RARB: variants seen among roughly 807,000 people sequenced by gnomAD.
The protein encoded by RARB is retinoic acid receptor beta.
In RARB, 17 loss-of-function variants were observed where a neutral mutation model predicts 51.9. The ratio of observed to expected loss-of-function variants is 0.33; its 90% confidence interval spans 0.22 to 0.49. RARB has a LOEUF of 0.49. RARB is among the 20% of genes least tolerant of loss of function. The pLI is 0.99. For synonymous variants in RARB, 215 were observed against 195.4 expected (o/e 1.10, Z -0.84); for missense variants, 369 against 550.8 (o/e 0.67, Z 3.30).
intron 3 of RARB, among the ~76,000 whole-genome samples, chr3:25,530,156 C>T (rs1698838607): frequency 6.6e-6 from 1 of 152,142 alleles, no homozygotes; most frequent in African/African-American, 2.4e-5. Context: ...CCCTTATATC[C>T]CCTGGGTCTG....
At chr3:25,558,810 C>T (rs1027636775) in intron 3 of RARB, among the ~76,000 whole-genome samples, 20 of 152,160 alleles carry the variant, frequency 1.3e-4, no homozygotes, top group African/African-American at 2.9e-4. Flanking sequence ...TAGCCCAATA[C>T]GGGGTTAAAA....
chr3:25,111,387 C>T (rs966686351), intron 3 of RARB, among the ~76,000 whole-genome samples: 6 of 152,278 alleles, frequency 3.9e-5, no homozygotes, highest in Admixed American at 2.6e-4. Context: ...ACTAGGAACA[C>T]TGTTACCACC....
chr3:25,315,166 T>C (rs931846479), intron 5 of RARB, among the ~76,000 whole-genome samples: 4 of 152,164 alleles, frequency 2.6e-5, no homozygotes, highest in Admixed American at 6.5e-5. Flanking sequence ...GCTCTCTGTC[T>C]ATAGGCTCTC....
intron 5 of RARB, among the ~76,000 whole-genome samples, chr3:25,345,534 G>A (rs1559365799): frequency 6.6e-6 from 1 of 151,888 alleles, no homozygotes; most frequent in Admixed American, 6.6e-5. Flanking sequence ...GTGTGGTGGT[G>A]CATGCCTGTA....
chr3:24,907,998 G>C, intron 2 of RARB, among the ~76,000 whole-genome samples: 1 of 152,128 alleles, frequency 6.6e-6, no homozygotes, highest in East Asian at 1.9e-4. Context: ...AAGGTCACCG[G>C]AGTGAGGGGG....
chr3:24,934,107 T>C (rs1442356219), intron 2 of RARB, among the ~76,000 whole-genome samples: 1 of 152,164 alleles, frequency 6.6e-6, no homozygotes, highest in East Asian at 1.9e-4. Context: ...CAATTGTTAT[T>C]TTGCCAAGAG....
At chr3:24,923,365 T>C (rs898318071) in intron 2 of RARB, among the ~76,000 whole-genome samples, 1 of 152,184 alleles carries the variant, frequency 6.6e-6, no homozygotes, top group African/African-American at 2.4e-5. Flanking sequence ...TTTGGCATAA[T>C]AACATTAATC....
upstream of RARB, among the ~76,000 whole-genome samples, chr3:25,425,006 C>G (rs903542008): frequency 6.6e-6 from 1 of 152,204 alleles, no homozygotes; most frequent in Non-Finnish European, 1.5e-5. Flanking sequence ...ATGGATTTTA[C>G]TCTCAAAGTT....
rs561056396 is a variant in RARB at position 25,408,846 on chromosome 3, C to T, written c.179-52347C>T. Among the ~76,000 whole-genome samples, 21 of 152,170 alleles carry T rather than the reference C, an allele frequency of 1.4e-4. No individual in the cohort carries two copies. The East Asian group carries it at 4.1e-3, about 29-fold the overall frequency. ...GTAAGGAATTCAAGACCAGCCTGGC[C>T]ATCATAGTGAAATGCAGTCTCTACT... On this transcript the variant is annotated intron_variant, in intron 5 of 11. Coordinates refer to the RARB transcript ENST00000383772.
rs182975229 is a variant in RARB, at chr3:25,526,748, G to C, written c.448+25425G>C. 2.6e-3 allele frequency among the ~76,000 whole-genome samples: 394 copies of C among 152,240 alleles called. 3 individuals are homozygous for C. The highest frequency in any genetic ancestry group is 8.9e-3 in the African/African-American group (371 of 41,550). On this transcript the variant is annotated intron_variant, in intron 3 of 7. Coordinates refer to ENST00000330688, the MANE Select transcript of RARB (RefSeq NM_000965.5). ...CTGGCTTCCAATGCAATTCTGGCAG[G>C]CCACTCTCAAACTTTAAAGAGAACA...
chr3:25,454,225 T>C (rs892789361), intron 1 of RARB, among the ~76,000 whole-genome samples: 11 of 152,272 alleles, frequency 7.2e-5, no homozygotes, highest in Non-Finnish European at 1.3e-4. Flanking sequence ...ACTTGTACTT[T>C]AGTTGAACTT....
intron 5 of RARB, chr3:25,346,008 G>C: frequency 2.2e-6 from 1 of 462,316 alleles, no homozygotes; most frequent in South Asian, 9.4e-5. Context: ...CTTCTGACCC[G>C]GGCTGCGGTT....
intron 2 of RARB, among the ~76,000 whole-genome samples, chr3:25,016,648 TG>T (rs1697514852): frequency 6.6e-6 from 1 of 152,188 alleles, no homozygotes; most frequent in Non-Finnish European, 1.5e-5. Context: ...TAACTTTATC[TG>T]GGGGAACGTA....
At chr3:25,549,469 T>C (rs566378761) in intron 3 of RARB, among the ~76,000 whole-genome samples, 11 of 152,200 alleles carry the variant, frequency 7.2e-5, no homozygotes, top group South Asian at 2.1e-4. Flanking sequence ...TTGGGAAGGA[T>C]CAAGCTGAGG....
chr3:25,066,175 A>G (rs751950532), intron 3 of RARB, among the ~76,000 whole-genome samples: 4 of 152,166 alleles, frequency 2.6e-5, no homozygotes, highest in Non-Finnish European at 5.9e-5. Flanking sequence ...CAAGGCTGTC[A>G]GATCATAAAC....
chr3:24,888,308 A>G (rs1703302384), intron 2 of RARB, among the ~76,000 whole-genome samples: 1 of 152,214 alleles, frequency 6.6e-6, no homozygotes, highest in Non-Finnish European at 1.5e-5. Context: ...TGATTTGTTA[A>G]AACCTCATAA....
rs117066481 is a variant in RARB at position 25,166,921 on chromosome 3, T to A, written c.-279-7198T>A. Among the ~76,000 whole-genome samples, 317 of 152,330 alleles carry A rather than the reference T, an allele frequency of 2.1e-3. 2 individuals carry two copies. The highest frequency in any genetic ancestry group is 0.02 in the East Asian group (106 of 5,188). On this transcript the variant is annotated intron_variant, in intron 4 of 11. Coordinates refer to the RARB transcript ENST00000383772. The stretch of plus-strand genomic sequence containing the variant: ...TGTCTAAGGCAAGCCAAATCCCATC[T>A]ATATTTTATTTATTATTTGTAGAAG...
At chr3:25,317,268 T>A (rs1302734262) in intron 5 of RARB, among the ~76,000 whole-genome samples, 1 of 151,728 alleles carries the variant, frequency 6.6e-6, no homozygotes, top group South Asian at 2.1e-4. Context: ...GATGACTAGG[T>A]GGTTGGATGA....
At chr3:25,178,785 CAGG>C (rs1700806227) in intron 5 of RARB, among the ~76,000 whole-genome samples, 2 of 152,298 alleles carry the variant, frequency 1.3e-5, no homozygotes, top group Non-Finnish European at 2.9e-5. Flanking sequence ...TGACTTCCAA[CAGG>C]AGAAGAGCCT....
Sources: gnomAD v4.1 joint callset for allele counts (sites outside exome capture counted in the v4.1 genomes callset) on GRCh38, gnomAD v4.1.1 for gene constraint, MANE v1.5 for transcripts, NCBI Gene and HGNC (gene_info 2026-07-23, HGNC 2026-07-21) for gene names.